The following SLC8A1 variants were observed in gnomAD, a reference collection of about 807,000 sequenced individuals.
The protein encoded by SLC8A1 is sodium/calcium exchanger 1.
In SLC8A1, 18 loss-of-function variants were observed where a neutral mutation model predicts 68.3. The observed-to-expected ratio is 0.26, with a 90% CI of 0.18 to 0.39. The LOEUF (loss-of-function observed/expected upper bound fraction) is 0.39, where lower values mean the gene tolerates loss of function less well. Among genes scored for constraint, SLC8A1 ranks in the 10% least tolerant of loss-of-function variants. SLC8A1 has a pLI of 1.00. For missense variants in SLC8A1, 985 were observed against 1,156.7 expected (o/e 0.85, Z 2.15); for synonymous variants, 475 against 415.5 (o/e 1.14, Z -1.74).
intron 2 of SLC8A1, among the ~76,000 whole-genome samples, chr2:40,323,491 C>G (rs1211479276): frequency 6.6e-6 from 1 of 152,118 alleles, no homozygotes; most frequent in South Asian, 2.1e-4. Flanking sequence ...TGGATTCTGA[C>G]TTACTTGCCC....
intron 2 of SLC8A1, among the ~76,000 whole-genome samples, chr2:40,361,614 T>A (rs926215572): frequency 8.5e-5 from 13 of 152,048 alleles, no homozygotes; most frequent in African/African-American, 2.7e-4. Context: ...TGAGGTGGTC[T>A]AATCTGTAGG....
At chr2:40,406,070 A>C (rs1690230641) in intron 2 of SLC8A1, among the ~76,000 whole-genome samples, 1 of 152,226 alleles carries the variant, frequency 6.6e-6, no homozygotes, top group Non-Finnish European at 1.5e-5. Flanking sequence ...TGTTTCCACT[A>C]GTGGAAAAAT....
At chr2:40,385,443 T>G (rs1683252453) in intron 2 of SLC8A1, among the ~76,000 whole-genome samples, 1 of 68,854 alleles carries the variant, frequency 1.5e-5, no homozygotes, top group South Asian at 3.1e-4. Flanking sequence ...TCAAAGTATC[T>G]GTTTTTTGGA....
At chr2:40,240,153 A>G (rs955847914) in intron 2 of SLC8A1, among the ~76,000 whole-genome samples, 3 of 152,214 alleles carry the variant, frequency 2.0e-5, no homozygotes, top group African/African-American at 4.8e-5. Context: ...ATTTGGGGGA[A>G]AGGAAGCCTT....
chr2:40,318,541 G>C (rs760775599), intron 2 of SLC8A1, among the ~76,000 whole-genome samples: 2 of 151,904 alleles, frequency 1.3e-5, no homozygotes, highest in African/African-American at 2.4e-5. Flanking sequence ...TGACCAGTAA[G>C]TGATGAAACC....
At chr2:40,493,555 A>G (rs993264763) in intron 1 of SLC8A1, among the ~76,000 whole-genome samples, 3 of 151,868 alleles carry the variant, frequency 2.0e-5, no homozygotes, top group African/African-American at 7.2e-5. Context: ...CAGAAAGTGT[A>G]AATAAATTTA....
intron 2 of SLC8A1, among the ~76,000 whole-genome samples, chr2:40,417,330 G>A (rs973454365): frequency 3.3e-4 from 50 of 151,970 alleles, no homozygotes; most frequent in Non-Finnish European, 2.9e-5. Context: ...TCAAAGAAGA[G>A]CAACAACTTT....
At chr2:40,443,710 C>G (rs185986763) in intron 1 of SLC8A1, among the ~76,000 whole-genome samples, 38 of 152,308 alleles carry the variant, frequency 2.5e-4, no homozygotes, top group African/African-American at 6.5e-4. Context: ...GTGCTGGTCT[C>G]AGCTCTACTG....
chr2:40,228,735 A>C (rs1385319136), intron 2 of SLC8A1, among the ~76,000 whole-genome samples: 4 of 152,164 alleles, frequency 2.6e-5, no homozygotes, highest in Non-Finnish European at 1.5e-5. Flanking sequence ...GGCGAGCCTC[A>C]AAGCAGTTTA....
intron 2 of SLC8A1, among the ~76,000 whole-genome samples, chr2:40,413,893 T>C (rs1351237804): frequency 3.3e-5 from 5 of 152,202 alleles, no homozygotes; most frequent in Admixed American, 3.3e-4. Context: ...AAGCACATGA[T>C]GATGCGTCTC....
intron 2 of SLC8A1, among the ~76,000 whole-genome samples, chr2:40,271,577 C>A (rs189443356): frequency 3.9e-5 from 6 of 152,256 alleles, no homozygotes; most frequent in East Asian, 1.9e-4. Flanking sequence ...CTATTTTCCA[C>A]GTTGATTATT....
chr2:40,245,602 C>T (rs752700648), intron 2 of SLC8A1, among the ~76,000 whole-genome samples: 15 of 152,110 alleles, frequency 9.9e-5, no homozygotes, highest in Non-Finnish European at 2.2e-4. Context: ...ACTTGAACCA[C>T]TGAATTTAGC....
intron 2 of SLC8A1, among the ~76,000 whole-genome samples, chr2:40,285,642 C>A (rs2068184774): frequency 6.6e-6 from 1 of 152,086 alleles, no homozygotes; most frequent in South Asian, 2.1e-4. Context: ...TTCTGCTAAG[C>A]CTTGTGTGCC....
At position 40,460,023 on chromosome 2, in the gene SLC8A1, A is replaced by G. The variant is rs778458974; in HGVS notation, c.-24-29719T>C. 6.2e-4 allele frequency among the ~76,000 whole-genome samples: 64 copies of G among 102,880 alleles called. 1 individual carries two copies. Among genetic ancestry groups the G allele is most frequent in the Middle Eastern group, 5.4e-3 (1 of 186 alleles). 67.5% of individuals were successfully genotyped at this position (102,880 alleles called of 152,430 possible). On this transcript the variant is annotated intron_variant, in intron 1 of 7. Coordinates refer to the SLC8A1 transcript ENST00000402441. ...TTTTTGTAAATGTTATTTAACGTCAATGGTGTCAATGGTGTTTTATTTGCA... is the reference window on the plus strand; with the variant it reads ...TTTTTGTAAATGTTATTTAACGTCAGTGGTGTCAATGGTGTTTTATTTGCA...
chr2:40,341,296 G>C (rs1667617132), intron 2 of SLC8A1, among the ~76,000 whole-genome samples: 1 of 152,104 alleles, frequency 6.6e-6, no homozygotes, highest in South Asian at 2.1e-4. Context: ...TCTCAAATTT[G>C]GATAAGTAAG....
intron 2 of SLC8A1, among the ~76,000 whole-genome samples, chr2:40,191,449 T>C (rs1442942136): frequency 1.3e-5 from 2 of 152,222 alleles, no homozygotes; most frequent in African/African-American, 4.8e-5. Flanking sequence ...TTACTGGTAC[T>C]TGCAATTTAA....
At chr2:40,191,012 G>A (rs908002931) in intron 2 of SLC8A1, among the ~76,000 whole-genome samples, 3 of 152,112 alleles carry the variant, frequency 2.0e-5, no homozygotes, top group African/African-American at 4.8e-5. Context: ...TTCAAAAGGG[G>A]GTAATTGTGA....
intron 2 of SLC8A1, among the ~76,000 whole-genome samples, chr2:40,360,967 T>C (rs1674436085): frequency 6.6e-6 from 1 of 152,128 alleles, no homozygotes; most frequent in Non-Finnish European, 1.5e-5. Context: ...AAAGAGCCTG[T>C]AGATCTCGTG....
intron 1 of SLC8A1, among the ~76,000 whole-genome samples, chr2:40,502,585 T>C (rs1338356164): frequency 6.6e-6 from 1 of 152,104 alleles, no homozygotes; most frequent in Non-Finnish European, 1.5e-5. Context: ...TAATTGCATT[T>C]TAAAAATATT....
Sources: gnomAD v4.1 joint callset for allele counts (sites outside exome capture counted in the v4.1 genomes callset) on GRCh38, gnomAD v4.1.1 for gene constraint, MANE v1.5 for transcripts, NCBI Gene and HGNC (gene_info 2026-07-23, HGNC 2026-07-21) for gene names.